Variants in DOCK3 observed in about 807,000 individuals in gnomAD.
The protein encoded by DOCK3 is dedicator of cytokinesis 3.
DOCK3 carries 60 observed loss-of-function variants against 265.6 expected under a neutral mutation model. That is an observed-to-expected ratio of 0.23 (90% CI 0.18 to 0.28). The LOEUF (loss-of-function observed/expected upper bound fraction) is 0.28. DOCK3 is among the 10% of genes least tolerant of loss of function. DOCK3 has a pLI of 1.00. For synonymous variants in DOCK3, 881 were observed against 938.0 expected, an observed-to-expected ratio of 0.94 and a Z score of 1.11; for missense variants, 1,981 against 2,594.3, an observed-to-expected ratio of 0.76 and a Z score of 5.14.
chr3:50,987,323 T>C (rs1436775806), intron 5 of DOCK3, among the ~76,000 whole-genome samples: 1 of 152,260 alleles, frequency 6.6e-6, no homozygotes, highest in Non-Finnish European at 1.5e-5. Context: ...TTTTAATGTA[T>C]TAATAGTGGT....
chr3:50,972,814 C>T (rs2077281801), intron 5 of DOCK3, among the ~76,000 whole-genome samples: 1 of 150,940 alleles, frequency 6.6e-6, no homozygotes, highest in East Asian at 1.9e-4. Context: ...GTTACTATAG[C>T]TTTGTAGTGT....
At chr3:51,294,368 G>A (rs910060711) in intron 27 of DOCK3, among the ~76,000 whole-genome samples, 1 of 152,074 alleles carries the variant, frequency 6.6e-6, no homozygotes, top group South Asian at 2.1e-4. Flanking sequence ...TCTCACTTAC[G>A]TGTAGAATCT....
chr3:50,988,535 T>G (rs35693100), intron 5 of DOCK3, among the ~76,000 whole-genome samples: 14,484 of 152,174 alleles, frequency 0.095, 864 homozygotes, highest in Non-Finnish European at 0.12. Context: ...TCTACCAAAA[T>G]GTGGTGAGAT....
At chr3:50,853,040 C>T (rs1346455007) in intron 3 of DOCK3, among the ~76,000 whole-genome samples, 1 of 152,132 alleles carries the variant, frequency 6.6e-6, no homozygotes, top group Non-Finnish European at 1.5e-5. Flanking sequence ...CTGTTGGAAA[C>T]ATTACAGTTT....
At chr3:50,874,538 G>A (rs1352903037) in intron 3 of DOCK3, among the ~76,000 whole-genome samples, 2 of 151,222 alleles carry the variant, frequency 1.3e-5, no homozygotes, top group Non-Finnish European at 2.9e-5. Flanking sequence ...AACAAAAAAA[G>A]TATAGGCATT....
chr3:50,963,278 G>A (rs2076941363), intron 5 of DOCK3, among the ~76,000 whole-genome samples: 1 of 152,266 alleles, frequency 6.6e-6, no homozygotes, highest in Non-Finnish European at 1.5e-5. Context: ...TGTTTCTTTT[G>A]TCAGTGCCTG....
rs968886511 is a variant in DOCK3 at position 50,883,541 on chromosome 3, A to G, written c.163-6485A>G. Among the ~76,000 whole-genome samples the G allele has an allele frequency of 3.9e-5, 6 of 151,958 alleles. No homozygotes were observed. The East Asian group carries it at 1.2e-3, about 29-fold the overall frequency. Reference sequence around the variant, plus strand: ...TTTTAGGGTATTTCTGTTGATGACAAATTCTTTTTGTTTTCCTTCATCTGA... The same window carrying G: ...TTTTAGGGTATTTCTGTTGATGACAGATTCTTTTTGTTTTCCTTCATCTGA... On this transcript the variant is annotated intron_variant, in intron 3 of 52. Coordinates refer to ENST00000266037, the MANE Select transcript of DOCK3 (RefSeq NM_004947.5).
intron 3 of DOCK3, among the ~76,000 whole-genome samples, chr3:50,857,659 C>T (rs2046668880): frequency 1.3e-5 from 2 of 152,062 alleles, no homozygotes; most frequent in South Asian, 4.2e-4. Context: ...TTTATGCAGC[C>T]AACAGACACA....
At chr3:51,135,937 T>C (rs925308398) in intron 9 of DOCK3, among the ~76,000 whole-genome samples, 3 of 152,160 alleles carry the variant, frequency 2.0e-5, no homozygotes, top group African/African-American at 7.2e-5. Flanking sequence ...CTTGAACTCC[T>C]GGGCTCAAGT....
At chr3:51,129,327 G>A (rs1231546233) in intron 9 of DOCK3, among the ~76,000 whole-genome samples, 1 of 152,190 alleles carries the variant, frequency 6.6e-6, no homozygotes, top group African/African-American at 2.4e-5. Context: ...AGAGCCACCT[G>A]TGAACCAGGC....
At chr3:51,185,092 G>A (rs1330657993) in intron 12 of DOCK3, among the ~76,000 whole-genome samples, 4 of 152,086 alleles carry the variant, frequency 2.6e-5, no homozygotes, top group Admixed American at 6.5e-5. Flanking sequence ...GAAACCTAAC[G>A]AGACATGATA....
chr3:50,952,987 T>C (rs2076633153), intron 5 of DOCK3, among the ~76,000 whole-genome samples: 1 of 152,170 alleles, frequency 6.6e-6, no homozygotes. Context: ...TTTTTGCTAA[T>C]TGCTTATGTG....
At chr3:50,771,441 C>G in intron 1 of DOCK3, among the ~76,000 whole-genome samples, 1 of 152,112 alleles carries the variant, frequency 6.6e-6, no homozygotes, top group East Asian at 1.9e-4. Context: ...AAAAGACAGA[C>G]AATAACAAGT....
intron 32 of DOCK3, among the ~76,000 whole-genome samples, chr3:51,318,368 G>C (rs1418010104): frequency 6.6e-6 from 1 of 152,142 alleles, no homozygotes; most frequent in Non-Finnish European, 1.5e-5. Flanking sequence ...AACAGAGCAA[G>C]ACTCTGTCTC....
intron 22 of DOCK3, among the ~76,000 whole-genome samples, chr3:51,250,293 AAAATAAT>A (rs147357839): frequency 0.79 from 115,355 of 145,828 alleles, 46,311 homozygotes; most frequent in Middle Eastern, 0.89. Flanking sequence ...AAAATTAAAA[AAAATAAT>A]AAAAAATAAA....
chr3:51,344,983 A>C (rs1451641220), intron 38 of DOCK3, among the ~76,000 whole-genome samples: 1 of 152,200 alleles, frequency 6.6e-6, no homozygotes, highest in Non-Finnish European at 1.5e-5. Context: ...ATGGAGGAGA[A>C]GACCTGTTTT....
chr3:51,150,175 C>G (rs561503352), intron 10 of DOCK3, among the ~76,000 whole-genome samples: 1 of 152,092 alleles, frequency 6.6e-6, no homozygotes, highest in East Asian at 1.9e-4. Context: ...TCTGTAGGAT[C>G]GGTGACGATA....
chr3:50,793,823 G>A (rs959085766), intron 2 of DOCK3, among the ~76,000 whole-genome samples: 20 of 152,196 alleles, frequency 1.3e-4, no homozygotes, highest in African/African-American at 4.3e-4. Context: ...TCTTTTAGTT[G>A]TGATGTTAGA....
At chr3:51,208,733 T>C in intron 12 of DOCK3, 41 bp from the exon 13 acceptor site, 1 of 1,541,172 alleles carries the variant, frequency 6.5e-7, no homozygotes, top group African/African-American at 1.4e-5. Context: ...ACCAGTTGTT[T>C]AAAATACTTG....
Sources: gnomAD v4.1 joint callset for allele counts (sites outside exome capture counted in the v4.1 genomes callset) on GRCh38, gnomAD v4.1.1 for gene constraint, MANE v1.5 for transcripts, NCBI Gene and HGNC (gene_info 2026-07-23, HGNC 2026-07-21) for gene names.